DGKK: variants seen among roughly 807,000 people sequenced by gnomAD.
DGKK encodes the protein 142 kDa diacylglycerol kinase.
Under a neutral mutation model 92.2 loss-of-function variants are expected in DGKK, and 35 were observed. The ratio of observed to expected loss-of-function variants is 0.38; its 90% CI spans 0.29 to 0.50. The LOEUF (loss-of-function observed/expected upper bound fraction) is 0.50. Among genes scored for constraint, DGKK ranks in the 20% least tolerant of loss-of-function variants. DGKK has a pLI of 0.92. For missense variants in DGKK, 910 were observed against 992.2 expected, an observed-to-expected ratio of 0.92 and a Z score of 1.11; for synonymous variants, 368 against 360.6, an observed-to-expected ratio of 1.02 and a Z score of -0.23.
chrX:50,414,406 T>C (rs1925380212), intron 4 of DGKK, among the ~76,000 whole-genome samples: 1 of 111,743 alleles, frequency 8.9e-6, no homozygotes, highest in South Asian at 3.8e-4. Context: ...ATTAGCTTGA[T>C]TTAATCATGC....
chrX:50,410,839 G>A (rs1191523490), intron 4 of DGKK, among the ~76,000 whole-genome samples: 3 of 111,509 alleles, frequency 2.7e-5, no homozygotes. Flanking sequence ...CTCACATTTC[G>A]GGACCCTTCA....
chrX:50,434,898 G>A (rs1384245060), intron 1 of DGKK, among the ~76,000 whole-genome samples: 1 of 111,770 alleles, frequency 8.9e-6, no homozygotes, highest in African/African-American at 3.3e-5. Context: ...TAAAGACAGA[G>A]ATATATTCTG....
chrX:50,422,352 C>G, intron 3 of DGKK, 94 bp downstream of exon 3: 1 of 692,901 alleles, frequency 1.4e-6, no homozygotes. Context: ...ACTTTGGAAA[C>G]CTGAAGTTCA....
intron 8 of DGKK, among the ~76,000 whole-genome samples, chrX:50,399,975 T>G (rs1023387108): frequency 2.7e-5 from 3 of 111,850 alleles, no homozygotes; most frequent in Admixed American, 9.5e-5. Context: ...GACTAGATAT[T>G]TAGTTGCCCA....
chrX:50,371,576 G>A, intron 26 of DGKK, 148 bp downstream of exon 26: 1 of 432,577 alleles, frequency 2.3e-6, no homozygotes, highest in Admixed American at 4.2e-5. Flanking sequence ...GGGGAGGTGG[G>A]CAGGGAGGAA....
At chrX:50,415,221 G>C (rs782086034) in intron 4 of DGKK, among the ~76,000 whole-genome samples, 1 of 111,967 alleles carries the variant, frequency 8.9e-6, no homozygotes, top group Admixed American at 9.4e-5. Context: ...GTTGCCACTC[G>C]TGTAGGTCTG....
chrX:50,374,124 C>T (rs1557223541), intron 25 of DGKK, among the ~76,000 whole-genome samples: 1 of 111,975 alleles, frequency 8.9e-6, no homozygotes, highest in Non-Finnish European at 1.9e-5. Flanking sequence ...GACCTAATCC[C>T]CAGTACATCA....
chrX:50,405,708 A>G (rs4826630), intron 4 of DGKK, among the ~76,000 whole-genome samples: 51,867 of 110,745 alleles, frequency 0.47, 10,571 homozygotes, highest in African/African-American at 0.8. Context: ...CTGTTGATTT[A>G]ACCTGGAACC....
chrX:50,378,368 G>A (rs1557224070), intron 21 of DGKK, 136 bp from the exon 22 acceptor site: 8 of 938,226 alleles, frequency 8.5e-6, no homozygotes, highest in African/African-American at 4.0e-5. Flanking sequence ...ATCATCCCAG[G>A]AAGAAATGCC....
chrX:50,470,558 G>A lies in DGKK; in HGVS notation c.121C>T (p.Pro41Ser), dbSNP rs1026820489. ...PPPPPPPAPPPAPPLLSEASP... is the reference protein window; with the variant it reads ...PPPPPPPAPPSAPPLLSEASP... ...GCCTCGGAGAGCAGCGGCGGAGCCG[G>A]CGGCGGAGCCGGTGGTGGTGGCGGC... The change falls in exon 1 of 28, where the codon CCG (proline) becomes TCG (serine). Residue 41 changes from proline to serine, a missense_variant. By Grantham distance (74) the Pro-to-Ser change is moderately conservative (BLOSUM62 -1). Coordinates refer to ENST00000611977, the MANE Select transcript of DGKK (RefSeq NM_001013742.4). 6.6e-6 allele frequency: 8 copies of A among 1,205,984 alleles called. No individual in the cohort carries two copies. Among genetic ancestry groups the A allele is most frequent in the Admixed American group, 6.5e-5 (3 of 45,847 alleles).
At chrX:50,414,843 C>A (rs919876341) in intron 4 of DGKK, among the ~76,000 whole-genome samples, 1 of 111,980 alleles carries the variant, frequency 8.9e-6, no homozygotes, top group Non-Finnish European at 1.9e-5. Context: ...GTAGCAGAAC[C>A]ACTGTCAGCT....
In DGKK at chrX:50,376,915, A is replaced by G; in HGVS notation, c.3115T>C (p.Phe1039Leu). 1 of 1,193,577 alleles carries G rather than the reference A, an allele frequency of 8.4e-7. No individual in the cohort carries two copies. Among genetic ancestry groups the G allele is most frequent in the Non-Finnish European group, 1.1e-6 (1 of 886,108 alleles). Residue 1039 changes from phenylalanine (F) to leucine (L), a missense_variant, in exon 23 of 28, where the codon TTT becomes CTT. Transcript: ENST00000611977. ...AAQMLTRDRD[F>L]ENSMKMWEYK... ...TCCCACATTTTCATTGAGTTCTCAA[A>G]GTCCTGGAGATGAATACAGTGGCAT...
intron 18 of DGKK, among the ~76,000 whole-genome samples, chrX:50,382,020 G>A (rs1308867227): frequency 9.9e-5 from 11 of 111,636 alleles, no homozygotes; most frequent in African/African-American, 2.6e-4. Context: ...ATGAAAGTGC[G>A]AGAAGGTGCC....
At chrX:50,467,203 A>T (rs1382849782) in intron 1 of DGKK, among the ~76,000 whole-genome samples, 2 of 112,197 alleles carry the variant, frequency 1.8e-5, no homozygotes, top group African/African-American at 6.5e-5. Flanking sequence ...ATTTCCTGGG[A>T]ATTGAAACAT....
chrX:50,385,222 T>G (rs967162243), intron 15 of DGKK, among the ~76,000 whole-genome samples: 1 of 111,713 alleles, frequency 9.0e-6, no homozygotes, highest in East Asian at 2.8e-4. Context: ...ATGTGGCTTT[T>G]GTCTATAATT....
chrX:50,404,501 A>G (rs1925098410), intron 4 of DGKK, among the ~76,000 whole-genome samples: 1 of 99,479 alleles, frequency 1.0e-5, no homozygotes, highest in Non-Finnish European at 2.0e-5. Context: ...GCTGGAGTGC[A>G]GTGTCGCAAT....
At chrX:50,439,860 C>G (rs1174968193) in intron 1 of DGKK, among the ~76,000 whole-genome samples, 1 of 110,172 alleles carries the variant, frequency 9.1e-6, no homozygotes, top group Admixed American at 9.7e-5. Flanking sequence ...CATGAGGTCC[C>G]CAGAGAAAAA....
rs1557234426 is a variant in DGKK, at chrX:50,470,355, C to T, written c.324G>A (p.Glu108=). Residue 108 remains glutamate, a synonymous_variant, in exon 1 of 28, where the codon GAG becomes GAA. Coordinates refer to ENST00000611977, the MANE Select transcript of DGKK (RefSeq NM_001013742.4). ...ATEPAPEPAT[E]PAPEPAPEPA... Reference sequence around the variant, plus strand: ...GTTCTGGGGCCGGTTCTGGGGCCGGCTCTGTGGCAGGTTCTGGGGCCGGCT... The same window carrying T: ...GTTCTGGGGCCGGTTCTGGGGCCGGTTCTGTGGCAGGTTCTGGGGCCGGCT... 1.7e-6 allele frequency: 2 copies of T among 1,206,601 alleles called. No individual in the cohort carries two copies. Among genetic ancestry groups the T allele is most frequent in the Non-Finnish European group, 2.2e-6 (2 of 893,888 alleles).
intron 1 of DGKK, among the ~76,000 whole-genome samples, chrX:50,449,045 G>A: frequency 9.0e-6 from 1 of 111,601 alleles, no homozygotes; most frequent in Non-Finnish European, 1.9e-5. Flanking sequence ...AGCCTCAACA[G>A]CCTGCCCACA....
Sources: gnomAD v4.1 joint callset for allele counts (sites outside exome capture counted in the v4.1 genomes callset) on GRCh38, gnomAD v4.1.1 for gene constraint, MANE v1.5 for transcripts, NCBI Gene and HGNC (gene_info 2026-07-23, HGNC 2026-07-21) for gene names.